AFG1L: variants seen among roughly 807,000 people sequenced by gnomAD.
AFG1L encodes AFG1-like ATPase.
Under a neutral mutation model 62.2 loss-of-function variants are expected in AFG1L, and 53 were observed. That is an observed-to-expected ratio of 0.85 (90% CI 0.68 to 1.07). The LOEUF (loss-of-function observed/expected upper bound fraction) is 1.07. AFG1L is among the 50% of genes least tolerant of loss of function. AFG1L has a pLI of 0.00. For synonymous variants in AFG1L, 228 were observed against 210.3 expected (o/e 1.08, Z -0.73); for missense variants, 555 against 590.5 (o/e 0.94, Z 0.62).
intron 1 of AFG1L, among the ~76,000 whole-genome samples, chr6:108,307,635 G>C (rs1777256268): frequency 6.6e-6 from 1 of 152,070 alleles, no homozygotes; most frequent in Admixed American, 6.6e-5. Context: ...ATATAGTACT[G>C]CTATGAATAT....
At chr6:108,447,388 G>C (rs72938657) in intron 8 of AFG1L, 92 bp downstream of exon 8, 2 of 710,532 alleles carry the variant, frequency 2.8e-6, no homozygotes, top group South Asian at 3.8e-5. Flanking sequence ...AACGTGAAAG[G>C]CTGGTTCTGA....
intron 8 of AFG1L, among the ~76,000 whole-genome samples, chr6:108,463,170 TCTCAGCTA>T (rs1772528209): frequency 6.6e-6 from 1 of 151,354 alleles, no homozygotes; most frequent in Non-Finnish European, 1.5e-5. Flanking sequence ...ATGCCTGTAA[TCTCAGCTA>T]CTCAGGAGGC....
chr6:108,509,500 A>G (rs565880402), intron 10 of AFG1L, among the ~76,000 whole-genome samples: 1 of 152,356 alleles, frequency 6.6e-6, no homozygotes, highest in South Asian at 2.1e-4. Flanking sequence ...AAATAGCTCC[A>G]TTGACCAATA....
chr6:108,350,555 A>C (rs1052242878), intron 3 of AFG1L, among the ~76,000 whole-genome samples: 1 of 152,190 alleles, frequency 6.6e-6, no homozygotes, highest in Admixed American at 6.5e-5. Flanking sequence ...ATCATGGTTC[A>C]ATCTTGAAAT....
Position 108,324,588 on chromosome 6 carries a change from T to G in AFG1L, c.363+540T>G, listed in dbSNP as rs566991268. Among the ~76,000 whole-genome samples, 24 of 152,286 alleles carry G rather than the reference T, an allele frequency of 1.6e-4. No individual in the cohort carries two copies. In the South Asian group the frequency reaches 4.4e-3, roughly 28 times the overall value. On this transcript the variant is annotated intron_variant, in intron 2 of 12. Coordinates refer to ENST00000368977, the MANE Select transcript of AFG1L (RefSeq NM_145315.5). The stretch of plus-strand genomic sequence containing the variant: ...GGGGACCTCCACACTTCTCCAGTCT[T>G]TGACTAACCTCTTATGACTCTGGGG...
intron 10 of AFG1L, among the ~76,000 whole-genome samples, chr6:108,492,828 A>G (rs905023084): frequency 1.3e-5 from 2 of 151,678 alleles, no homozygotes; most frequent in Non-Finnish European, 2.9e-5. Context: ...TTTGTTCTTT[A>G]TGACTTTAAA....
At chr6:108,339,920 T>C (rs1473434050) in intron 2 of AFG1L, among the ~76,000 whole-genome samples, 1 of 152,176 alleles carries the variant, frequency 6.6e-6, no homozygotes, top group East Asian at 1.9e-4. Context: ...TTATATACTC[T>C]TTTAGTTACT....
chr6:108,318,735 T>C (rs529756023), intron 1 of AFG1L, among the ~76,000 whole-genome samples: 8 of 152,334 alleles, frequency 5.3e-5, no homozygotes, highest in African/African-American at 1.9e-4. Context: ...GCGCAGACTT[T>C]TTGGGTTCCT....
chr6:108,412,559 C>T (rs141724672), intron 7 of AFG1L, among the ~76,000 whole-genome samples: 88 of 152,294 alleles, frequency 5.8e-4, no homozygotes, highest in African/African-American at 1.9e-3. Context: ...AGACTAACAG[C>T]GGATCTCTCA....
chr6:108,297,958 A>G (rs1776835009), intron 1 of AFG1L, among the ~76,000 whole-genome samples: 1 of 151,666 alleles, frequency 6.6e-6, no homozygotes, highest in Non-Finnish European at 1.5e-5. Flanking sequence ...GGTAGCCAGC[A>G]TTTGATGAGC....
intron 10 of AFG1L, among the ~76,000 whole-genome samples, chr6:108,502,647 T>G (rs745779544): frequency 2.0e-5 from 3 of 152,142 alleles, no homozygotes; most frequent in Non-Finnish European, 2.9e-5. Flanking sequence ...ACCTCTTGCC[T>G]CAATGTTGAT....
chr6:108,383,549 G>C (rs1160620509), intron 6 of AFG1L, among the ~76,000 whole-genome samples: 3 of 152,146 alleles, frequency 2.0e-5, no homozygotes, highest in Non-Finnish European at 4.4e-5. Context: ...ACTGAAGAAA[G>C]TGAAATCGGT....
At chr6:108,348,464 A>T (rs1778954830) in intron 3 of AFG1L, among the ~76,000 whole-genome samples, 1 of 152,220 alleles carries the variant, frequency 6.6e-6, no homozygotes, top group Non-Finnish European at 1.5e-5. Flanking sequence ...GCTACCTTGC[A>T]TTGAATGTCC....
chr6:108,513,021 ATTT>A (rs1774717813), intron 11 of AFG1L, among the ~76,000 whole-genome samples: 2 of 152,196 alleles, frequency 1.3e-5, no homozygotes, highest in African/African-American at 4.8e-5. Flanking sequence ...TCAACACATG[ATTT>A]TTAAGTACTG....
chr6:108,473,312 C>T (rs768537864), intron 8 of AFG1L, among the ~76,000 whole-genome samples: 1 of 152,032 alleles, frequency 6.6e-6, no homozygotes, highest in African/African-American at 2.4e-5. Flanking sequence ...ATAGTATATA[C>T]GAGACCATAG....
chr6:108,299,431 G>A (rs1036472596), intron 1 of AFG1L, among the ~76,000 whole-genome samples: 2 of 152,096 alleles, frequency 1.3e-5, no homozygotes, highest in African/African-American at 4.8e-5. Flanking sequence ...TTTGGGCAAT[G>A]TAATCAAAAG....
chr6:108,461,382 T>G (rs1272077998), intron 8 of AFG1L, among the ~76,000 whole-genome samples: 1 of 152,218 alleles, frequency 6.6e-6, no homozygotes, highest in Middle Eastern at 3.2e-3. Context: ...CTTATAACTG[T>G]ATATTATAAA....
intron 1 of AFG1L, among the ~76,000 whole-genome samples, chr6:108,308,728 G>A (rs999040643): frequency 6.6e-6 from 1 of 151,508 alleles, no homozygotes; most frequent in Non-Finnish European, 1.5e-5. Context: ...TTTTGAGACA[G>A]AGTCTCACTC....
intron 10 of AFG1L, among the ~76,000 whole-genome samples, chr6:108,502,846 A>G (rs777884796): frequency 2.6e-5 from 4 of 152,184 alleles, no homozygotes; most frequent in Non-Finnish European, 2.9e-5. Context: ...AGTCCTCTCA[A>G]CCCCTGCCAC....
Sources: allele counts gnomAD v4.1 joint callset (sites outside exome capture counted in the v4.1 genomes callset), GRCh38; gene constraint gnomAD v4.1.1; transcripts MANE v1.5; gene names NCBI Gene and HGNC (gene_info 2026-07-23, HGNC 2026-07-21).